The following MYO1F variants were observed in gnomAD, a reference collection of about 807,000 sequenced individuals.
MYO1F encodes myosin IF.
A neutral mutation model predicts 146.6 loss-of-function variants in MYO1F; 60 were observed. The observed-to-expected ratio is 0.41, with a 90% confidence interval of 0.33 to 0.51. MYO1F has a LOEUF of 0.51. Ranked by LOEUF, MYO1F falls within the 20% of genes least tolerant of loss-of-function variation. MYO1F has a pLI of 0.25. For missense variants in MYO1F, 1,274 were observed against 1,534.3 expected (o/e 0.83, Z 2.83); for synonymous variants, 602 against 602.1 (o/e 1.00, Z 0.00).
chr19:8,539,595 C>CAAA lies in MYO1F; in HGVS notation c.1692+349_1692+351dup, dbSNP rs57563221. Among the ~76,000 whole-genome samples, 424 of 143,640 alleles carry CAAA rather than the reference C, an allele frequency of 3.0e-3. 3 individuals are homozygous for CAAA. The highest frequency in any genetic ancestry group is 0.01 in the African/African-American group (410 of 40,374). 94.2% of individuals were successfully genotyped at this position (143,640 alleles called of 152,430 possible). On this transcript the variant is annotated intron_variant, in intron 16 of 27. Transcript: ENST00000644032. ...TGGGTGACAGAGCAAGACTCTGTCT[C>CAAA]AAAAAAAAAAATTATTGGATATTAT... is the stretch of plus-strand genomic sequence containing the variant.
chr19:8,574,559 CT>C (rs1276441816), intron 1 of MYO1F, among the ~76,000 whole-genome samples: 1 of 88,122 alleles, frequency 1.1e-5, no homozygotes, highest in African/African-American at 5.7e-5. Flanking sequence ...TTCTTTCTTT[CT>C]TTCTTTCTTT....
intron 16 of MYO1F, 67 bp from the exon 17 acceptor site, chr19:8,537,122 C>G (rs1454304793): frequency 9.3e-7 from 1 of 1,075,444 alleles, no homozygotes; most frequent in Non-Finnish European, 1.4e-6. Flanking sequence ...CCTCTTTTTT[C>G]CACCCTGGAT....
chr19:8,539,318 G>T (rs1362853416), intron 16 of MYO1F, among the ~76,000 whole-genome samples: 1 of 152,146 alleles, frequency 6.6e-6, no homozygotes, highest in Non-Finnish European at 1.5e-5. Flanking sequence ...GGAGGCTGAG[G>T]CAGGAGAATC....
chr19:8,528,578 AAAAC>A lies in MYO1F; in HGVS notation c.2329-1099_2329-1096del, dbSNP rs149201095. Among the ~76,000 whole-genome samples the A allele has an allele frequency of 8.3e-3, 1,257 of 152,252 alleles. 17 individuals are homozygous for A. Among genetic ancestry groups the A allele is most frequent in the African/African-American group, 0.024 (999 of 41,560 alleles). On this transcript the variant is annotated intron_variant, in intron 21 of 27. Coordinates refer to ENST00000644032, the MANE Select transcript of MYO1F (RefSeq NM_012335.4). ...CTCTGTCTCAAAAAAACAAAAAAGA[AAAAC>A]AAAAAAGAAACGAGGTCAGATGGGA...
In MYO1F at chr19:8,536,478, C is replaced by A. The variant is rs939532625; in HGVS notation, c.1898+21G>T. 2.1e-6 allele frequency: 3 copies of A among 1,407,806 alleles called. No individual in the cohort carries two copies. The Admixed American group carries it at 5.1e-5, about 24-fold the overall frequency. The allele number at this position is 1,407,806 out of a possible 1,614,324, so 87.2% of individuals were successfully genotyped here. A position where few individuals can be genotyped will look rare whatever the true frequency, so the allele number is the denominator to read the frequency against. On this transcript the variant is annotated intron_variant, in intron 18 of 27. Coordinates refer to ENST00000644032, the MANE Select transcript of MYO1F (RefSeq NM_012335.4). ...GTTCTGATGAAGGGGATGGCGAGGGCGGGGGTGGAGGGCTCCTCACCTCTG... is the reference window on the plus strand; with the variant it reads ...GTTCTGATGAAGGGGATGGCGAGGGAGGGGGTGGAGGGCTCCTCACCTCTG...
chr19:8,561,447 CCTCCCTCT>C (rs1483780577), intron 1 of MYO1F, among the ~76,000 whole-genome samples: 2 of 119,740 alleles, frequency 1.7e-5, no homozygotes, highest in African/African-American at 6.7e-5. Context: ...TCCCTTCCTT[CCTCCCTCT>C]CTCCCTCTCT....
At chr19:8,568,814 G>A (rs997569787) in intron 1 of MYO1F, among the ~76,000 whole-genome samples, 4 of 152,028 alleles carry the variant, frequency 2.6e-5, no homozygotes, top group African/African-American at 4.8e-5. Context: ...TTAGCTATCC[G>A]GGAGGCTGAG....
intron 10 of MYO1F, chr19:8,549,879 CA>C: frequency 3.7e-6 from 2 of 538,556 alleles, no homozygotes; most frequent in Non-Finnish European, 6.7e-6. Context: ...TAGCTCACTG[CA>C]GCCCCAACCT....
chr19:8,525,682 C>G, intron 24 of MYO1F, 120 bp from the exon 25 acceptor site: 3 of 830,940 alleles, frequency 3.6e-6, no homozygotes, highest in Non-Finnish European at 2.0e-6. Context: ...CCCATTAGCA[C>G]CGCCCCTTAG....
At chr19:8,563,011 A>C (rs530712828) in intron 1 of MYO1F, among the ~76,000 whole-genome samples, 2 of 151,338 alleles carry the variant, frequency 1.3e-5, no homozygotes, top group African/African-American at 4.9e-5. Flanking sequence ...TTTTGTTTTG[A>C]TACCGAGTCT....
At chr19:8,553,890 ACACACT>A (rs888482967) in intron 4 of MYO1F, among the ~76,000 whole-genome samples, 8 of 57,928 alleles carry the variant, frequency 1.4e-4, no homozygotes, top group South Asian at 1.4e-3. Flanking sequence ...ACACACACAC[ACACACT>A]CTCTCTCTCT....
intron 12 of MYO1F, among the ~76,000 whole-genome samples, chr19:8,547,375 G>A (rs1973409490): frequency 6.6e-6 from 1 of 151,200 alleles, no homozygotes; most frequent in African/African-American, 2.4e-5. Context: ...GGAGGCTGAG[G>A]TGGGTGGATC....
At chr19:8,537,729 T>G (rs1005440112) in intron 16 of MYO1F, among the ~76,000 whole-genome samples, 1 of 152,090 alleles carries the variant, frequency 6.6e-6, no homozygotes, top group African/African-American at 2.4e-5. Context: ...CCACTATACC[T>G]GGCTGGGTGA....
chr19:8,536,374 T>C lies in MYO1F; in HGVS notation c.1921A>G (p.Thr641Ala), dbSNP rs745445244. Residue 641 changes from threonine (T) to alanine (A), a missense_variant, in exon 19 of 28, where the codon ACG becomes GCG. Physicochemically the swap from Thr to Ala is moderately conservative, Grantham distance 58. Coordinates refer to ENST00000644032, the MANE Select transcript of MYO1F (RefSeq NM_012335.4). ...LQRYAILTPE[T>A]WPRWRGDERQ... The stretch of plus-strand genomic sequence containing the variant: ...TCGTCCCCACGCCACCGCGGCCACG[T>C]CTCGGGGGTCAGAATGGCATACCTG... 5 of 1,605,882 alleles carry C rather than the reference T, an allele frequency of 3.1e-6. No homozygotes were observed. The highest frequency in any genetic ancestry group is 4.2e-6 in the Non-Finnish European group (5 of 1,179,880).
chr19:8,532,216 G>T (rs936068526), intron 19 of MYO1F, among the ~76,000 whole-genome samples: 2 of 151,804 alleles, frequency 1.3e-5, no homozygotes, highest in Non-Finnish European at 2.9e-5. Context: ...ACTAGCAACC[G>T]TGTGGTTGGG....
intron 21 of MYO1F, 43 bp from the exon 22 acceptor site, chr19:8,527,526 C>T: frequency 1.9e-6 from 3 of 1,606,932 alleles, no homozygotes; most frequent in Non-Finnish European, 2.6e-6. Context: ...GTAGCCTGGC[C>T]AGCCTGGCCA....
At chr19:8,525,222 AG>A in intron 25 of MYO1F, 2 of 246,018 alleles carry the variant, frequency 8.1e-6, no homozygotes, top group Non-Finnish European at 1.6e-5. Context: ...AAAAAAAAAA[AG>A]ATGTAGTTTA....
intron 24 of MYO1F, among the ~76,000 whole-genome samples, chr19:8,526,230 G>A: frequency 6.6e-6 from 1 of 152,240 alleles, no homozygotes; most frequent in East Asian, 1.9e-4. Context: ...GGGAGGCTGA[G>A]GCAAGACAAT....
chr19:8,561,705 C>CT (rs34798332), intron 1 of MYO1F, among the ~76,000 whole-genome samples: 7 of 141,890 alleles, frequency 4.9e-5, no homozygotes, highest in East Asian at 2.1e-4. Context: ...TTCCTTCCTC[C>CT]TTTTTTTCTA....
Sources: allele counts gnomAD v4.1 joint callset (sites outside exome capture counted in the v4.1 genomes callset), GRCh38; gene constraint gnomAD v4.1.1; transcripts MANE v1.5; gene names NCBI Gene and HGNC (gene_info 2026-07-23, HGNC 2026-07-21).